The following LRRC75B variants were observed in gnomAD, a reference collection of about 807,000 sequenced individuals.
LRRC75B encodes leucine-rich repeat-containing protein 75B.
A neutral mutation model predicts 16.5 loss-of-function variants in LRRC75B; 20 were observed. The observed-to-expected ratio is 1.21, with a 90% CI of 0.85 to 1.76. LRRC75B has a LOEUF of 1.76. Among genes scored for constraint, LRRC75B ranks in the 40% most tolerant of loss-of-function variants. LRRC75B has a pLI of 0.00. For missense variants in LRRC75B, 406 were observed against 417.0 expected, an observed-to-expected ratio of 0.97 and a Z score of 0.23; for synonymous variants, 199 against 198.1, an observed-to-expected ratio of 1.00 and a Z score of -0.04.
intron 2 of LRRC75B, chr22:24,588,877 T>C: frequency 2.0e-6 from 2 of 1,007,100 alleles, no homozygotes; most frequent in Non-Finnish European, 2.4e-6. Context: ...TGGCTCTCTC[T>C]CAGTCCTAAC....
chr22:24,586,309 C>A lies in LRRC75B; in HGVS notation c.525G>T (p.Leu175=), dbSNP rs754974407. The change falls in exon 4 of 4, where the codon CTG becomes CTT. Residue 175 remains leucine (L), a synonymous_variant. Transcript: ENST00000318753. ...TQDVQHITRY[L]SSHGAVLAVL... is the part of the protein sequence containing the mutation. Reference sequence around the variant, plus strand: ...CCGCCAGCACAGCACCATGGCTGCTCAGGTAGCGTGTGATGTGTTGCACGT... The same window carrying A: ...CCGCCAGCACAGCACCATGGCTGCTAAGGTAGCGTGTGATGTGTTGCACGT... 4.3e-6 allele frequency: 7 copies of A among 1,614,002 alleles called. No individual in the cohort carries two copies. The East Asian group carries it at 1.6e-4, about 36-fold the overall frequency.
chr22:24,587,617 C>G (rs908047477), intron 3 of LRRC75B, among the ~76,000 whole-genome samples: 1 of 152,144 alleles, frequency 6.6e-6, no homozygotes, highest in African/African-American at 2.4e-5. Context: ...TGGACTGAGC[C>G]TGTGTGTGAG....
rs201901553 is a variant in LRRC75B at position 24,586,333 on chromosome 22, G to T, written c.501C>A (p.Asp167Glu). 1 of 1,613,976 alleles carries T rather than the reference G, an allele frequency of 6.2e-7. No homozygotes were observed. Among genetic ancestry groups the T allele is most frequent in the African/African-American group, 1.3e-5 (1 of 75,076 alleles). The part of the protein sequence containing the change: ...DLSGIPLSTQ[D>E]VQHITRYLSS... ...TCAGGTAGCGTGTGATGTGTTGCAC[G>T]TCCTGTGTCGACAGCGGGATGCCTG... Residue 167 changes from aspartate (D) to glutamate (E), a missense_variant, in exon 4 of 4, where the codon GAC becomes GAA. Physicochemically the swap from Asp to Glu is conservative, Grantham distance 45. Transcript: ENST00000318753.
chr22:24,588,633 T>C, intron 2 of LRRC75B: 1 of 1,094,750 alleles, frequency 9.1e-7, no homozygotes, highest in Non-Finnish European at 1.2e-6. Context: ...CGTCTCGGGC[T>C]ATCAGCCGGC....
intron 2 of LRRC75B, chr22:24,588,534 G>C: frequency 1.3e-6 from 1 of 751,096 alleles, no homozygotes; most frequent in Non-Finnish European, 2.1e-6. Context: ...CCCTCTGGGA[G>C]CTGGACAGGC....
intron 3 of LRRC75B, 40 bp downstream of exon 3, chr22:24,588,174 G>C (rs763944116): frequency 4.0e-6 from 6 of 1,482,872 alleles, no homozygotes; most frequent in Non-Finnish European, 5.6e-6. Flanking sequence ...AGGGACCTTG[G>C]AGCAGCAGTG....
At chr22:24,592,552 C>T (rs568752622) in intron 1 of LRRC75B, 68 of 446,788 alleles carry the variant, frequency 1.5e-4, no homozygotes, top group African/African-American at 1.2e-3. Context: ...TCCAGGCTAC[C>T]GGGCCACCCT....
chr22:24,589,382 C>T (rs963128693), intron 2 of LRRC75B: 25 of 1,114,404 alleles, frequency 2.2e-5, no homozygotes, highest in Admixed American at 5.1e-5. Flanking sequence ...GGTGTCTGTA[C>T]AGGATGGAGA....
At chr22:24,591,334 C>T (rs1601597320) in intron 1 of LRRC75B, among the ~76,000 whole-genome samples, 2 of 152,364 alleles carry the variant, frequency 1.3e-5, no homozygotes, top group Admixed American at 6.5e-5. Context: ...CTGCCTCAGC[C>T]TCCCAAAGTG....
intron 1 of LRRC75B, chr22:24,592,505 C>T: frequency 2.3e-6 from 1 of 443,462 alleles, no homozygotes; most frequent in Admixed American, 2.6e-5. Context: ...TCCCGGGCCC[C>T]TCCCATCTTG....
intron 2 of LRRC75B, chr22:24,589,546 C>A: frequency 2.1e-6 from 1 of 467,520 alleles, no homozygotes; most frequent in Non-Finnish European, 3.3e-6. Context: ...TCTTCCTGGT[C>A]TGGGCCCCCA....
chr22:24,585,985 C>T lies in LRRC75B; in HGVS notation c.849G>A (p.Glu283=). 1 of 1,610,640 alleles carries T rather than the reference C, an allele frequency of 6.2e-7. No individual in the cohort carries two copies. Among genetic ancestry groups the T allele is most frequent in the Middle Eastern group, 1.7e-4 (1 of 6,048 alleles). The change falls in exon 4 of 4, where the codon GAG becomes GAA. Residue 283 remains glutamate, a synonymous_variant. Transcript: ENST00000318753. ...TGGCCCCGGCCGCACTGCCCTCAGG[C>T]TCAAGGTCCAGGCCCTCGTAGATGG... ...LPTIYEGLDL[E]PEGSAAGATT...
intron 2 of LRRC75B, chr22:24,588,772 C>T: frequency 1.9e-6 from 2 of 1,027,116 alleles, no homozygotes; most frequent in Non-Finnish European, 2.3e-6. Context: ...TCAGCGTGTT[C>T]TTCTTCCTCT....
Position 24,585,842 on chromosome 22 carries a change from G to C in LRRC75B, c.*44C>G. On this transcript the variant is annotated 3_prime_UTR_variant, in exon 4 of 4. Transcript: ENST00000318753. ...CTTCATCGCCCACTATCATGTGCTT[G>C]AGAGCATCACAAGTCAGTAGCAATG... 1 of 1,503,860 alleles carries C rather than the reference G, an allele frequency of 6.6e-7. No homozygotes were observed. Among genetic ancestry groups the C allele is most frequent in the Non-Finnish European group, 8.9e-7 (1 of 1,125,922 alleles). The allele number at this position is 1,503,860 out of a possible 1,614,324, so 93.2% of individuals were successfully genotyped here.
At chr22:24,587,266 G>C (rs1280222213) in intron 3 of LRRC75B, among the ~76,000 whole-genome samples, 1 of 152,220 alleles carries the variant, frequency 6.6e-6, no homozygotes, top group Non-Finnish European at 1.5e-5. Flanking sequence ...GGGTGTGCAG[G>C]CTGGGGGCCG....
Position 24,588,463 on chromosome 22 carries a change from A to G in LRRC75B, c.307-134T>C, listed in dbSNP as rs889054069. The G allele has an allele frequency of 5.4e-5, 43 of 793,208 alleles. No homozygotes were observed. The East Asian group carries it at 1.2e-3, about 22-fold the overall frequency. The allele number at this position is 793,208 out of a possible 1,614,324, so 49.1% of individuals were successfully genotyped here. ...ACCATGCATCACCGAGTTGCCCACC[A>G]GGGCCTCCCCCTCCTACCCCCCAAC... On this transcript the variant is annotated intron_variant, in intron 2 of 3. Coordinates refer to ENST00000318753, the MANE Select transcript of LRRC75B (RefSeq NM_207644.3).
Position 24,585,723 on chromosome 22 carries a change from C to T in LRRC75B, c.*163G>A. Reference sequence around the variant, plus strand: ...AGGCTGAGCCTCTAGCCAGGGCTGGCCACCTGGCCACCTATGAGTCCATTC... The same window carrying T: ...AGGCTGAGCCTCTAGCCAGGGCTGGTCACCTGGCCACCTATGAGTCCATTC... On this transcript the variant is annotated 3_prime_UTR_variant, in exon 4 of 4. Transcript: ENST00000318753. The T allele has an allele frequency of 1.2e-6, 1 of 831,268 alleles. No homozygotes were observed. The highest frequency in any genetic ancestry group is 1.8e-6 in the Non-Finnish European group (1 of 549,550). The allele number at this position is 831,268 out of a possible 1,614,324, so 51.5% of individuals were successfully genotyped here. A position where few individuals can be genotyped will look rare whatever the true frequency, so the allele number is the denominator to read the frequency against.
At chr22:24,592,624 A>T in intron 1 of LRRC75B, 1 of 580,236 alleles carries the variant, frequency 1.7e-6, no homozygotes, top group South Asian at 2.0e-5. Context: ...CCCCTCCTCC[A>T]CACGGTCCGC....
chr22:24,592,740 C>G (rs2045608874), intron 1 of LRRC75B, 123 bp downstream of exon 1: 2 of 1,293,398 alleles, frequency 1.5e-6, no homozygotes, highest in African/African-American at 3.1e-5. Context: ...GCGCCAGAGA[C>G]CAGCTCCGCC....
Sources: gnomAD v4.1 joint callset for allele counts (sites outside exome capture counted in the v4.1 genomes callset) on GRCh38, gnomAD v4.1.1 for gene constraint, MANE v1.5 for transcripts, NCBI Gene and HGNC (gene_info 2026-07-23, HGNC 2026-07-21) for gene names.